Variants in CNTNAP3B observed in about 807,000 individuals in gnomAD.
CNTNAP3B encodes the protein contactin associated protein family member 3B.
In CNTNAP3B, 25 loss-of-function variants were observed where a neutral mutation model predicts 108.9. The ratio of observed to expected loss-of-function variants is 0.23; its 90% CI spans 0.17 to 0.32. CNTNAP3B has a LOEUF of 0.32. Ranked by LOEUF, CNTNAP3B falls within the 10% of genes least tolerant of loss-of-function variation. The pLI, the probability that CNTNAP3B is intolerant of heterozygous loss-of-function variation, is 1.00. For synonymous variants in CNTNAP3B, 103 were observed against 473.4 expected (o/e 0.22, Z 10.16); for missense variants, 252 against 1,210.4 (o/e 0.21, Z 11.75).
At chr9:42,035,223 G>A (rs932012434) in intron 3 of CNTNAP3B, among the ~76,000 whole-genome samples, 2 of 135,254 alleles carry the variant, frequency 1.5e-5, no homozygotes, top group African/African-American at 5.7e-5. Flanking sequence ...CTCCGGGCTA[G>A]CTCCTCCCAC....
At chr9:41,948,867 CA>C in intron 13 of CNTNAP3B, among the ~76,000 whole-genome samples, 1 of 108,634 alleles carries the variant, frequency 9.2e-6, no homozygotes, top group East Asian at 2.9e-4. Context: ...AGACAGGAAA[CA>C]AGGCAAGGAT....
At chr9:41,920,565 CTT>C (rs1823640159) in intron 17 of CNTNAP3B, among the ~76,000 whole-genome samples, 2 of 152,264 alleles carry the variant, frequency 1.3e-5, no homozygotes, top group African/African-American at 4.8e-5. Context: ...ATTTCCTTAA[CTT>C]CAGGTAAGAA....
intron 3 of CNTNAP3B, among the ~76,000 whole-genome samples, chr9:42,033,095 GAC>G (rs1350985518): frequency 7.8e-6 from 1 of 127,624 alleles, no homozygotes; most frequent in Non-Finnish European, 1.7e-5. Context: ...TATCAAAAAA[GAC>G]AAAAACTAAG....
chr9:41,963,923 A>C (rs1235819877), intron 11 of CNTNAP3B, among the ~76,000 whole-genome samples: 1 of 152,426 alleles, frequency 6.6e-6, no homozygotes, highest in East Asian at 1.9e-4. Context: ...GGCTGACATA[A>C]GTACTCAATA....
At chr9:42,060,143 G>C (rs1371079709) in intron 3 of CNTNAP3B, among the ~76,000 whole-genome samples, 1 of 139,470 alleles carries the variant, frequency 7.2e-6, no homozygotes, top group Non-Finnish European at 1.5e-5. Context: ...CACTGAATAG[G>C]ATGTTAGCTG....
chr9:41,983,392 C>G lies in CNTNAP3B; in HGVS notation c.1477+2776G>C, dbSNP rs1825669463. On this transcript the variant is annotated intron_variant, in intron 9 of 23. Transcript: ENST00000377561. ...ATCAAACTCTGTCATCTGTTTCTGT[C>G]ACACAGATTACAGCCCTCATCCTGA... 2.5e-5 allele frequency: 2 copies of G among 81,258 alleles called. 1 individual carries two copies. 5.0% of individuals were successfully genotyped at this position (81,258 alleles called of 1,614,324 possible).
intron 2 of CNTNAP3B, among the ~76,000 whole-genome samples, chr9:42,089,073 C>G (rs1475111949): frequency 1.0e-5 from 1 of 95,942 alleles, no homozygotes; most frequent in Non-Finnish European, 2.1e-5. Flanking sequence ...TAAAAATCAG[C>G]CGGGCCTGGT....
rs1266761239 is a variant in CNTNAP3B at position 42,015,583 on chromosome 9, T to C, written c.391-2058A>G. On this transcript the variant is annotated intron_variant, in intron 3 of 23. Coordinates refer to ENST00000377561, the MANE Select transcript of CNTNAP3B (RefSeq NM_001201380.3). ...TGATCTTGAAGGGCCAGAGTACTAA[T>C]TGAGATAACACCTGGAAATCAATCA... Among the ~76,000 whole-genome samples the C allele has an allele frequency of 2.6e-5, 2 of 76,200 alleles. 1 individual carries two copies. The highest frequency in any genetic ancestry group is 5.3e-5 in the Non-Finnish European group (2 of 38,026). The allele number at this position is 76,200 out of a possible 152,430, so 50.0% of individuals were successfully genotyped here.
intron 12 of CNTNAP3B, among the ~76,000 whole-genome samples, 171 bp downstream of exon 12, chr9:41,960,602 C>T (rs1383127917): frequency 2.0e-5 from 3 of 152,296 alleles, no homozygotes; most frequent in African/African-American, 7.2e-5. Flanking sequence ...CCAACCCAGG[C>T]AAAGAAGAAA....
At chr9:42,103,146 CT>C (rs1828029401) in intron 2 of CNTNAP3B, among the ~76,000 whole-genome samples, 1 of 124,808 alleles carries the variant, frequency 8.0e-6, no homozygotes, top group Non-Finnish European at 1.6e-5. Flanking sequence ...CCTTTACCCC[CT>C]GTGCCCAGGC....
At chr9:41,961,805 T>C (rs71512037) in intron 11 of CNTNAP3B, among the ~76,000 whole-genome samples, 7 of 152,306 alleles carry the variant, frequency 4.6e-5, no homozygotes, top group Admixed American at 2.0e-4. Context: ...AAATTTACTC[T>C]AGCATAATTG....
At chr9:42,120,465 A>T (rs1310084777) in intron 1 of CNTNAP3B, among the ~76,000 whole-genome samples, 1 of 137,978 alleles carries the variant, frequency 7.2e-6, no homozygotes, top group African/African-American at 2.9e-5. Context: ...CAGCCATCCC[A>T]TTACTGGGTA....
chr9:41,932,602 C>A (rs1824012643), intron 14 of CNTNAP3B, among the ~76,000 whole-genome samples: 1 of 152,042 alleles, frequency 6.6e-6, no homozygotes, highest in African/African-American at 2.4e-5. Flanking sequence ...TCACTGCAAC[C>A]TCCACCCCCA....
chr9:41,944,521 A>T (rs1824464966), intron 13 of CNTNAP3B, among the ~76,000 whole-genome samples: 1 of 152,302 alleles, frequency 6.6e-6, no homozygotes, highest in Non-Finnish European at 1.5e-5. Context: ...GGCTACCACT[A>T]AAACAATTAC....
intron 13 of CNTNAP3B, among the ~76,000 whole-genome samples, chr9:41,945,924 A>C (rs953672012): frequency 9.2e-5 from 14 of 152,260 alleles, no homozygotes; most frequent in Non-Finnish European, 1.5e-5. Flanking sequence ...CCAAAAAGAA[A>C]GACAGAGTAT....
At chr9:42,116,191 A>G (rs1328948981) in intron 1 of CNTNAP3B, among the ~76,000 whole-genome samples, 1 of 138,568 alleles carries the variant, frequency 7.2e-6, no homozygotes, top group Non-Finnish European at 1.5e-5. Context: ...AAAGAAATGA[A>G]CAAAGCCTCC....
At chr9:42,118,081 C>A (rs1225265130) in intron 1 of CNTNAP3B, among the ~76,000 whole-genome samples, 51 of 132,354 alleles carry the variant, frequency 3.9e-4, no homozygotes, top group South Asian at 7.4e-4. Context: ...ATTCACAGCC[C>A]AATTCTACCA....
chr9:41,916,378 T>C (rs1296337872), intron 18 of CNTNAP3B, among the ~76,000 whole-genome samples: 2 of 149,098 alleles, frequency 1.3e-5, no homozygotes, highest in East Asian at 3.9e-4. Flanking sequence ...TATGACATTA[T>C]ACTTTCTTTT....
rs969825747 is a variant in CNTNAP3B, at chr9:42,068,146, G to A, written c.390+8723C>T. On this transcript the variant is annotated intron_variant, in intron 3 of 23. Transcript: ENST00000377561. ...AAAAATGAAAGTTAATACCTTTTAA[G>A]ATATCTGTACAATTCTAGGGCAGCT... 7.4e-4 allele frequency among the ~76,000 whole-genome samples: 75 copies of A among 101,806 alleles called. 3 individuals carry two copies. The highest frequency in any genetic ancestry group is 4.8e-3 in the Middle Eastern group (1 of 210). 66.8% of individuals were successfully genotyped at this position (101,806 alleles called of 152,430 possible). A position where few individuals can be genotyped will look rare whatever the true frequency, so the allele number is the denominator to read the frequency against.
Sources: allele counts gnomAD v4.1 joint callset (sites outside exome capture counted in the v4.1 genomes callset), GRCh38; gene constraint gnomAD v4.1.1; transcripts MANE v1.5; gene names NCBI Gene and HGNC (gene_info 2026-07-23, HGNC 2026-07-21).